DGKK: variants seen among roughly 807,000 people sequenced by gnomAD.
DGKK encodes 142 kDa diacylglycerol kinase.
In DGKK, 35 loss-of-function variants were observed where a neutral mutation model predicts 92.2. That is an observed-to-expected ratio of 0.38 (90% confidence interval 0.29 to 0.50). DGKK has a LOEUF of 0.50. Among genes scored for constraint, DGKK ranks in the 20% least tolerant of loss-of-function variants. The pLI is 0.92. For synonymous variants in DGKK, 368 were observed against 360.6 expected (o/e 1.02, Z -0.23); for missense variants, 910 against 992.2 (o/e 0.92, Z 1.11).
At chrX:50,450,066 A>G (rs1255356911) in intron 1 of DGKK, among the ~76,000 whole-genome samples, 2 of 110,837 alleles carry the variant, frequency 1.8e-5, no homozygotes, top group Non-Finnish European at 3.8e-5. Flanking sequence ...CTACACACAA[A>G]CCCTATCCTT....
At chrX:50,447,382 TAATATATATATATTATATATATATATA>T (rs1926371407) in intron 1 of DGKK, among the ~76,000 whole-genome samples, 2 of 12,516 alleles carry the variant, frequency 1.6e-4, no homozygotes, top group Non-Finnish European at 2.2e-4. Context: ...TATATATATA[TAATATATATATATTATATATATATATA>T]ATATATATAT....
intron 1 of DGKK, among the ~76,000 whole-genome samples, chrX:50,425,804 TGA>T (rs1200955103): frequency 9.0e-6 from 1 of 111,558 alleles, no homozygotes; most frequent in Non-Finnish European, 1.9e-5. Flanking sequence ...GAGGTTGCAG[TGA>T]GAGAGAGTAA....
intron 4 of DGKK, among the ~76,000 whole-genome samples, chrX:50,404,433 A>G (rs1038078278): frequency 8.4e-5 from 9 of 107,538 alleles, no homozygotes; most frequent in African/African-American, 3.1e-4. Context: ...AGCTGAAGGC[A>G]GGAGTAATTA....
At chrX:50,431,259 G>A (rs1925878857) in intron 1 of DGKK, among the ~76,000 whole-genome samples, 1 of 110,853 alleles carries the variant, frequency 9.0e-6, no homozygotes, top group African/African-American at 3.3e-5. Context: ...TGAACTCCTG[G>A]GCTCAAGCAA....
At chrX:50,437,543 C>CT (rs1404852604) in intron 1 of DGKK, among the ~76,000 whole-genome samples, 1 of 111,924 alleles carries the variant, frequency 8.9e-6, no homozygotes, top group Non-Finnish European at 1.9e-5. Context: ...TAGAGCAAGG[C>CT]TGACTGTTAC....
chrX:50,380,209 T>C, intron 18 of DGKK, 132 bp from the exon 19 acceptor site: 1 of 502,837 alleles, frequency 2.0e-6, no homozygotes, highest in South Asian at 3.5e-5. Context: ...AAATGGCAAC[T>C]GGACAGCGGT....
At chrX:50,388,726 A>T (rs1557225253) in intron 12 of DGKK, 108 bp from the exon 13 acceptor site, 1 of 482,433 alleles carries the variant, frequency 2.1e-6, no homozygotes, top group African/African-American at 2.4e-5. Context: ...TCTACCCGCA[A>T]CTCAACTGCC....
intron 1 of DGKK, among the ~76,000 whole-genome samples, chrX:50,467,227 G>T (rs953532889): frequency 1.1e-4 from 12 of 112,350 alleles, no homozygotes; most frequent in Non-Finnish European, 2.1e-4. Context: ...AGAAAGGAAA[G>T]AAATAGACAT....
At chrX:50,398,905 T>C (rs1381221465) in intron 8 of DGKK, among the ~76,000 whole-genome samples, 2 of 112,019 alleles carry the variant, frequency 1.8e-5, no homozygotes, top group Non-Finnish European at 3.8e-5. Flanking sequence ...CTGACCAGTT[T>C]GCTACTTTTC....
At chrX:50,430,707 A>T (rs1160470546) in intron 1 of DGKK, among the ~76,000 whole-genome samples, 7 of 111,809 alleles carry the variant, frequency 6.3e-5, no homozygotes, top group Admixed American at 1.9e-4. Context: ...ATCCTCTTTG[A>T]TAAACCAATA....
Position 50,415,485 on chromosome X carries a change from G to T in DGKK, c.942+4918C>A, listed in dbSNP as rs1321270943. On this transcript the variant is annotated intron_variant, in intron 4 of 27. Coordinates refer to ENST00000611977, the MANE Select transcript of DGKK (RefSeq NM_001013742.4). ...TGGCTTGCTGCTGCTGCCCAGCACGGTACTGCCTATGACTACCTCAGGAAA... is the reference window on the plus strand; with the variant it reads ...TGGCTTGCTGCTGCTGCCCAGCACGTTACTGCCTATGACTACCTCAGGAAA... Among the ~76,000 whole-genome samples the T allele has an allele frequency of 3.6e-5, 4 of 111,627 alleles. No individual in the cohort carries two copies. The East Asian group carries it at 1.1e-3, about 31-fold the overall frequency.
At chrX:50,384,142 A>T in intron 17 of DGKK, 26 bp downstream of exon 17, 1 of 980,812 alleles carries the variant, frequency 1.0e-6, no homozygotes, top group Non-Finnish European at 1.4e-6. Context: ...AGAAGCCATT[A>T]AAAGGTGATA....
At chrX:50,384,097 A>G (rs1557224693) in intron 17 of DGKK, 71 bp downstream of exon 17, 1 of 657,526 alleles carries the variant, frequency 1.5e-6, no homozygotes, top group African/African-American at 2.3e-5. Context: ...TTGACTATGG[A>G]TATCCTAAGA....
At chrX:50,381,485 T>A (rs1229864473) in intron 18 of DGKK, among the ~76,000 whole-genome samples, 1 of 110,992 alleles carries the variant, frequency 9.0e-6, no homozygotes, top group African/African-American at 3.3e-5. Flanking sequence ...ATAAAAAAAA[T>A]AAACAAATAA....
Position 50,470,095 on chromosome X carries a change from G to A in DGKK, c.584C>T (p.Thr195Ile), listed in dbSNP as rs1927019007. 2 of 1,211,473 alleles carry A rather than the reference G, an allele frequency of 1.7e-6. No individual in the cohort carries two copies. The highest frequency in any genetic ancestry group is 2.2e-6 in the Non-Finnish European group (2 of 895,204). ...PVDTRERGLKTSPSPSPSPSP... is the reference protein window; with the variant it reads ...PVDTRERGLKISPSPSPSPSP... ...TGGCGATGGCGATGGCGATGGCGAG[G>A]TCTTTAGACCTCTCTCTCGAGTGTC... Residue 195 changes from threonine to isoleucine, a missense_variant, in exon 1 of 28, where the codon ACC becomes ATC. Transcript: ENST00000611977.
At position 50,379,610 on chromosome X, in the gene DGKK, C is replaced by T. The variant is rs1281341674; in HGVS notation, c.2862+17G>A. ...GATCATGCCTTTCTTCCTCCCCATT[C>T]CTTGTTCCATACTAACCGTGGTTGC... On this transcript the variant is annotated intron_variant, in intron 20 of 27. Transcript: ENST00000611977. The T allele has an allele frequency of 8.5e-7, 1 of 1,175,510 alleles. No individual in the cohort carries two copies. The highest frequency in any genetic ancestry group is 1.2e-6 in the Non-Finnish European group (1 of 863,378).
At chrX:50,461,257 G>A (rs1025574476) in intron 1 of DGKK, among the ~76,000 whole-genome samples, 2 of 112,025 alleles carry the variant, frequency 1.8e-5, no homozygotes, top group Non-Finnish European at 3.8e-5. Context: ...ATGAACAAGT[G>A]TTTCCTAAAT....
At chrX:50,371,589 T>C (rs1227348500) in intron 26 of DGKK, 135 bp downstream of exon 26, 4 of 449,987 alleles carry the variant, frequency 8.9e-6, no homozygotes, top group African/African-American at 7.5e-5. Flanking sequence ...GGGAGGAAGC[T>C]CCAGTAACCT....
At chrX:50,419,278 T>C (rs1925511847) in intron 4 of DGKK, among the ~76,000 whole-genome samples, 1 of 111,792 alleles carries the variant, frequency 8.9e-6, no homozygotes, top group South Asian at 3.8e-4. Context: ...CATCTTGTCA[T>C]GTTCCCCATC....
Sources: gnomAD v4.1 joint callset for allele counts (sites outside exome capture counted in the v4.1 genomes callset) on GRCh38, gnomAD v4.1.1 for gene constraint, MANE v1.5 for transcripts, NCBI Gene and HGNC (gene_info 2026-07-23, HGNC 2026-07-21) for gene names.